FPR3: variants seen among roughly 807,000 people sequenced by gnomAD.
FPR3 encodes formyl peptide receptor 3, also known as N-formyl peptide receptor 3.
For synonymous variants in FPR3, 135 were observed against 163.6 expected (o/e 0.83, Z 1.34); for missense variants, 346 against 443.2 (o/e 0.78, Z 1.97).
chr19:51,823,757 C>G lies in FPR3; in HGVS notation c.9C>G (p.Thr3=). The change falls in exon 2 of 2, where the codon ACC becomes ACG. Residue 3 remains threonine, a synonymous_variant. Transcript: ENST00000339223. The part of the protein sequence containing the change: ME[T]NFSIPLNETE... The stretch of plus-strand genomic sequence containing the variant: ...GTTTCAGGTGTGGGAAGATGGAAAC[C>G]AACTTCTCCATTCCTCTGAATGAAA... 6.3e-7 allele frequency: 1 copy of G among 1,581,972 alleles called. No individual in the cohort carries two copies. Among genetic ancestry groups the G allele is most frequent in the Non-Finnish European group, 8.6e-7 (1 of 1,163,558 alleles).
At chr19:51,803,327 A>C (rs2084037078) in intron 1 of FPR3, among the ~76,000 whole-genome samples, 1 of 152,204 alleles carries the variant, frequency 6.6e-6, no homozygotes, top group Admixed American at 6.5e-5. Context: ...GTATTTAAAT[A>C]AATAAACTCA....
At chr19:51,807,669 A>C (rs564663794) in intron 1 of FPR3, among the ~76,000 whole-genome samples, 4 of 152,250 alleles carry the variant, frequency 2.6e-5, no homozygotes, top group Non-Finnish European at 5.9e-5. Flanking sequence ...GTTTGTGATG[A>C]GTAATCACAG....
At chr19:51,798,684 G>C (rs2084013284) in intron 1 of FPR3, among the ~76,000 whole-genome samples, 1 of 152,098 alleles carries the variant, frequency 6.6e-6, no homozygotes, top group Non-Finnish European at 1.5e-5. Flanking sequence ...AGGAGTCCCT[G>C]GGCCATGGAT....
rs555553512 is a variant in FPR3, at chr19:51,824,445, A to G, written c.697A>G (p.Met233Val). 4 of 1,614,078 alleles carry G rather than the reference A, an allele frequency of 2.5e-6. No individual in the cohort carries two copies. Among genetic ancestry groups the G allele is most frequent in the African/African-American group, 2.7e-5 (2 of 75,034 alleles). Residue 233 changes from methionine (M) to valine (V), a missense_variant, in exon 2 of 2, where the codon ATG (methionine) becomes GTG (valine). Transcript: ENST00000339223. This position sits in a 1 kb window ranked among gnomAD's most constrained non-coding sequence, Gnocchi z 4.7. ...IIAAKIHRNH[M>V]IKSSRPLRVF... ...CGCTGCCAAAATTCACAGAAACCACATGATTAAATCCAGCCGTCCCTTACG... is the reference window on the plus strand; with the variant it reads ...CGCTGCCAAAATTCACAGAAACCACGTGATTAAATCCAGCCGTCCCTTACG...
At chr19:51,819,382 C>T (rs1318178842) in intron 1 of FPR3, among the ~76,000 whole-genome samples, 1 of 152,122 alleles carries the variant, frequency 6.6e-6, no homozygotes, top group Non-Finnish European at 1.5e-5. Flanking sequence ...GAATGTGGGA[C>T]ACCCTAAATT....
rs756132271 is a variant in FPR3 at position 51,823,707 on chromosome 19, G to C, written c.-10-32G>C. 3 of 1,487,070 alleles carry C rather than the reference G, an allele frequency of 2.0e-6. No individual in the cohort carries two copies. The Admixed American group carries it at 6.3e-5, about 31-fold the overall frequency. 92.1% of individuals were successfully genotyped at this position (1,487,070 alleles called of 1,614,324 possible). ...AGTTGTATTGTAAGATGGTGTCACA[G>C]CTGAGAAATGGCCATTGCTGAAATG... On this transcript the variant is annotated intron_variant, in intron 1 of 1. Transcript: ENST00000339223.
At chr19:51,795,501 A>ATTT (rs1361472024) in intron 1 of FPR3, among the ~76,000 whole-genome samples, 170 bp downstream of exon 1, 4,515 of 76,236 alleles carry the variant, frequency 0.059, 413 homozygotes, top group Non-Finnish European at 0.065. Context: ...TTCCAGTAAC[A>ATTT]TTCTTTTTTT....
intron 1 of FPR3, chr19:51,817,761 T>C (rs1306617422): frequency 6.6e-6 from 1 of 152,212 alleles, no homozygotes; most frequent in Admixed American, 6.5e-5. Flanking sequence ...ATTTTGTCTT[T>C]TGACAAATCC....
At chr19:51,802,416 T>C (rs1173654507) in intron 1 of FPR3, among the ~76,000 whole-genome samples, 6 of 152,178 alleles carry the variant, frequency 3.9e-5, no homozygotes, top group African/African-American at 1.4e-4. Context: ...CCCAGCTTTA[T>C]CTACCCTTGA....
intron 1 of FPR3, among the ~76,000 whole-genome samples, chr19:51,796,174 G>A (rs10424234): frequency 0.73 from 111,270 of 152,122 alleles, 41,055 homozygotes; most frequent in East Asian, 0.98. Flanking sequence ...GAATATTCAG[G>A]ATGAGCCAGG....
intron 1 of FPR3, among the ~76,000 whole-genome samples, chr19:51,801,514 C>T (rs2084026495): frequency 6.6e-6 from 1 of 152,230 alleles, no homozygotes; most frequent in African/African-American, 2.4e-5. Context: ...GACGCGGTGG[C>T]TCACGCCCGT....
chr19:51,821,889 G>C (rs1214422957), intron 1 of FPR3, among the ~76,000 whole-genome samples: 1 of 152,166 alleles, frequency 6.6e-6, no homozygotes, highest in Admixed American at 6.5e-5. Context: ...AACAAGTGCT[G>C]TATAATTGCT....
chr19:51,818,677 G>C (rs569093493), intron 1 of FPR3, among the ~76,000 whole-genome samples: 1 of 152,288 alleles, frequency 6.6e-6, no homozygotes, highest in South Asian at 2.1e-4. Context: ...AGAAGGAAGA[G>C]AGAAAGCAAA....
chr19:51,800,747 C>T lies in FPR3; in HGVS notation c.-11+5416C>T, dbSNP rs139912346. Among the ~76,000 whole-genome samples, 526 of 152,198 alleles carry T rather than the reference C, an allele frequency of 3.5e-3. 4 individuals carry two copies. The highest frequency in any genetic ancestry group is 0.012 in the African/African-American group (490 of 41,518). On this transcript the variant is annotated intron_variant, in intron 1 of 1. Transcript: ENST00000339223. ...GTGCAGTTTGGACTAACTCTCAATA[C>T]CATTTTTTTTTCTTTTTTGGTAACA...
intron 1 of FPR3, among the ~76,000 whole-genome samples, chr19:51,802,235 G>A (rs1401355789): frequency 6.6e-6 from 1 of 151,808 alleles, no homozygotes; most frequent in East Asian, 1.9e-4. Flanking sequence ...AATGCCTTAC[G>A]ATGGATGACT....
chr19:51,805,043 G>A (rs954095351), intron 1 of FPR3: 16 of 152,102 alleles, frequency 1.1e-4, no homozygotes, highest in African/African-American at 1.7e-4. Context: ...ACCTTCTGGC[G>A]GCAGGCACAG....
rs1021734435 is a variant in FPR3, at chr19:51,826,087, G to T, written c.*1277G>T. ...ATGCAGTTTCTGTAAATATTAACGT[G>T]ATCATATTATTTTTATTCTTTCATT... On this transcript the variant is annotated 3_prime_UTR_variant, in exon 2 of 2. Transcript: ENST00000339223. The T allele has an allele frequency of 5.1e-5, 8 of 157,530 alleles. No individual in the cohort carries two copies. The highest frequency in any genetic ancestry group is 1.9e-4 in the African/African-American group (8 of 41,412). 9.8% of individuals were successfully genotyped at this position (157,530 alleles called of 1,614,324 possible).
At chr19:51,801,796 A>G (rs1398982620) in intron 1 of FPR3, among the ~76,000 whole-genome samples, 3 of 152,282 alleles carry the variant, frequency 2.0e-5, no homozygotes, top group Non-Finnish European at 4.4e-5. Flanking sequence ...GTGGGATTCA[A>G]ATTATAGTTA....
At chr19:51,795,670 C>G (rs956517299) in intron 1 of FPR3, among the ~76,000 whole-genome samples, 4 of 151,508 alleles carry the variant, frequency 2.6e-5, no homozygotes, top group Admixed American at 2.0e-4. Flanking sequence ...CCTGCCACCA[C>G]GCCTGGCTAA....
Sources: gnomAD v4.1 joint callset for allele counts (sites outside exome capture counted in the v4.1 genomes callset) on GRCh38, gnomAD v4.1.1 for gene constraint, Gnocchi (gnomAD v3.1) non-coding constraint, MANE v1.5 for transcripts, NCBI Gene and HGNC (gene_info 2026-07-23, HGNC 2026-07-21) for gene names.